Variants in UHRF1 observed in about 807,000 individuals in gnomAD.
UHRF1 encodes E3 ubiquitin-protein ligase UHRF1.
A neutral mutation model predicts 96.5 loss-of-function variants in UHRF1; 9 were observed. That is an observed-to-expected ratio of 0.09 (90% CI 0.06 to 0.16). UHRF1 has a LOEUF of 0.16. Ranked by LOEUF, UHRF1 falls within the 10% of genes least tolerant of loss-of-function variation. The pLI, the probability that UHRF1 is intolerant of heterozygous loss-of-function variation, is 1.00. For synonymous variants in UHRF1, 455 were observed against 469.9 expected, an observed-to-expected ratio of 0.97 and a Z score of 0.41; for missense variants, 626 against 1,131.1, an observed-to-expected ratio of 0.55 and a Z score of 6.40.
upstream of UHRF1, among the ~76,000 whole-genome samples, chr19:4,908,457 C>A (rs1293926567): frequency 6.6e-6 from 1 of 152,114 alleles, no homozygotes; most frequent in Non-Finnish European, 1.5e-5. Flanking sequence ...ACCCCTCTGA[C>A]CTCAACTCCC....
rs1242065781 is a variant in UHRF1, at chr19:4,961,222, C to G, written c.*419C>G. 1.1e-5 allele frequency: 1 copy of G among 92,406 alleles called. No individual in the cohort carries two copies. The highest frequency in any genetic ancestry group is 4.6e-5 in the African/African-American group (1 of 21,624). 5.7% of individuals were successfully genotyped at this position (92,406 alleles called of 1,614,324 possible). ...CGGGTTCTGGCCCCCAAGGTCAGAGCAAGCATCTTCCTGACAGCATTTTGT... is the reference window on the plus strand; with the variant it reads ...CGGGTTCTGGCCCCCAAGGTCAGAGGAAGCATCTTCCTGACAGCATTTTGT... On this transcript the variant is annotated 3_prime_UTR_variant, in exon 17 of 17. Transcript: ENST00000650932.
chr19:4,912,856 C>T (rs1273336710), intron 2 of UHRF1, among the ~76,000 whole-genome samples: 1 of 151,962 alleles, frequency 6.6e-6, no homozygotes, highest in Non-Finnish European at 1.5e-5. Flanking sequence ...GCTTCCTGGG[C>T]TCAAGCAATC....
At chr19:4,941,083 TTG>T (rs375500513) in intron 5 of UHRF1, among the ~76,000 whole-genome samples, 5,439 of 113,968 alleles carry the variant, frequency 0.048, 782 homozygotes, top group African/African-American at 0.18. Context: ...TTTCTGTGTT[TTG>T]TTTTTTTTTT....
chr19:4,935,318 G>A (rs1049602761), intron 5 of UHRF1, among the ~76,000 whole-genome samples: 3 of 152,130 alleles, frequency 2.0e-5, no homozygotes, highest in Non-Finnish European at 2.9e-5. Flanking sequence ...CTTGCCTGCC[G>A]CTGTGTAAGA....
rs73534679 is a variant in UHRF1 at position 4,943,658 on chromosome 19, C to T, written c.1074-474C>T. 2.8e-3 allele frequency among the ~76,000 whole-genome samples: 412 copies of T among 149,456 alleles called. 1 individual carries two copies. Among genetic ancestry groups the T allele is most frequent in the African/African-American group, 9.5e-3 (388 of 40,912 alleles). Reference sequence around the variant, plus strand: ...GGAAGGCCAACAGAGAACCTGCTTTCTTTTTTTTTTGAGATAGAGTCTTGC... The same window carrying T: ...GGAAGGCCAACAGAGAACCTGCTTTTTTTTTTTTTTGAGATAGAGTCTTGC... On this transcript the variant is annotated intron_variant, in intron 7 of 16. Transcript: ENST00000650932.
chr19:4,949,339 A>G (rs1189389954), intron 11 of UHRF1, among the ~76,000 whole-genome samples: 1 of 152,180 alleles, frequency 6.6e-6, no homozygotes, highest in Non-Finnish European at 1.5e-5. Context: ...GCCTGTTTGT[A>G]TGAAGAGCTT....
At chr19:4,907,685 C>T (rs2146268055), upstream of UHRF1, among the ~76,000 whole-genome samples, 1 of 146,828 alleles carries the variant, frequency 6.8e-6, no homozygotes, top group South Asian at 2.2e-4. Context: ...TGCCCATCTT[C>T]CTTGCCTCTT....
intron 2 of UHRF1, among the ~76,000 whole-genome samples, chr19:4,919,001 C>G (rs2032614581): frequency 6.6e-6 from 1 of 150,918 alleles, no homozygotes; most frequent in Non-Finnish European, 1.5e-5. Context: ...GGATTATAGA[C>G]CTGAGCCACT....
In UHRF1 at chr19:4,944,361, C is replaced by T; in HGVS notation, c.1216C>T (p.Arg406Cys). 2 of 1,614,026 alleles carry T rather than the reference C, an allele frequency of 1.2e-6. No individual in the cohort carries two copies. Among genetic ancestry groups the T allele is most frequent in the Non-Finnish European group, 1.7e-6 (2 of 1,179,892 alleles). Residue 406 changes from arginine (R) to cysteine (C), a missense_variant, in exon 9 of 17, where the codon CGC (arginine) becomes TGC (cysteine). Arg to Cys is a radical substitution (Grantham distance 180). Around this residue, in one of 11 missense-constraint regions of UHRF1, gnomAD observed 69 missense variants for 159.8 expected, o/e 0.43. Coordinates refer to ENST00000650932, the MANE Select transcript of UHRF1 (RefSeq NM_001048201.3). ...DWGKGMACVG[R>C]TKECTIVPSN... The stretch of plus-strand genomic sequence containing the variant: ...GGGACAGGGCATGGCCTGTGTGGGC[C>T]GCACCAAGGAATGTACCATCGTCCC...
intron 5 of UHRF1, among the ~76,000 whole-genome samples, chr19:4,941,080 G>GTTTTTTTTTTTTTTT (rs1171655897): frequency 2.7e-5 from 3 of 112,846 alleles, no homozygotes; most frequent in African/African-American, 1.1e-4. Flanking sequence ...TGGTTTCTGT[G>GTTTTTTTTTTTTTTT]TTTTGTTTTT....
At chr19:4,917,070 T>TCG (rs1465584635) in intron 2 of UHRF1, among the ~76,000 whole-genome samples, 4 of 69,570 alleles carry the variant, frequency 5.7e-5, no homozygotes, top group Admixed American at 1.7e-4. Context: ...GGCAGCTCGG[T>TCG]GGGGGGGGGG....
At chr19:4,912,250 G>C (rs1465967660) in intron 2 of UHRF1, among the ~76,000 whole-genome samples, 1 of 152,144 alleles carries the variant, frequency 6.6e-6, no homozygotes, top group East Asian at 1.9e-4. Context: ...CTCGACAGAG[G>C]AGCTCCGCCT....
chr19:4,954,971 C>T lies in UHRF1; in HGVS notation c.2130+149C>T. On this transcript the variant is annotated intron_variant, in intron 15 of 16. Transcript: ENST00000650932. This position sits in a 1 kb window ranked among gnomAD's most constrained non-coding sequence, Gnocchi z 5.9. ...GTTGTGCAACCATCACCACCATCAC[C>T]ACCTCCAGAACTTTATCCTCTCCCC... 3.0e-6 allele frequency: 3 copies of T among 996,884 alleles called. No homozygotes were observed. The highest frequency in any genetic ancestry group is 4.4e-6 in the Non-Finnish European group (3 of 678,838). 61.8% of individuals were successfully genotyped at this position (996,884 alleles called of 1,614,324 possible).
chr19:4,954,838 T>C lies in UHRF1; in HGVS notation c.2130+16T>C. ...CGGCAGCCCGGTAGGCTCGCACGGC[T>C]CACTCGTCGCCCTGATTTGCGTTGA... On this transcript the variant is annotated intron_variant, in intron 15 of 16. Coordinates refer to ENST00000650932, the MANE Select transcript of UHRF1 (RefSeq NM_001048201.3). The surrounding 1 kb of genome is among the most constrained non-coding windows in gnomAD (Gnocchi z 5.9). 6.2e-7 allele frequency: 1 copy of C among 1,611,100 alleles called. No homozygotes were observed. The highest frequency in any genetic ancestry group is 1.1e-5 in the South Asian group (1 of 90,820).
chr19:4,956,964 T>C (rs1364869290), intron 16 of UHRF1, among the ~76,000 whole-genome samples, 151 bp downstream of exon 16: 1 of 152,184 alleles, frequency 6.6e-6, no homozygotes, highest in Non-Finnish European at 1.5e-5. Context: ...GACTGCTTTC[T>C]GGGCAGCCTG....
intron 1 of UHRF1, chr19:4,910,526 A>T (rs2032225216): frequency 4.9e-6 from 1 of 205,954 alleles, no homozygotes; most frequent in Non-Finnish European, 9.7e-6. Context: ...GAATGAATCA[A>T]TGAATGAATG....
Position 4,950,592 on chromosome 19 carries a change from G to T in UHRF1, c.1518-19G>T. On this transcript the variant is annotated intron_variant, in intron 11 of 16. Transcript: ENST00000650932. ...TACATCCTCACCTATAATGCGTGGG[G>T]TCCTGACTCTCCCTGCAGGGCGCTG... 1.2e-6 allele frequency: 2 copies of T among 1,608,968 alleles called. No individual in the cohort carries two copies. The highest frequency in any genetic ancestry group is 1.7e-6 in the Non-Finnish European group (2 of 1,178,656).
intron 2 of UHRF1, among the ~76,000 whole-genome samples, chr19:4,926,860 C>T (rs147942009): frequency 0.015 from 2,301 of 151,948 alleles, 69 homozygotes; most frequent in African/African-American, 0.053. Context: ...GTCAGGAGAT[C>T]GAGACCATTC....
chr19:4,956,488 C>T (rs559148909), intron 15 of UHRF1, among the ~76,000 whole-genome samples: 271 of 152,372 alleles, frequency 1.8e-3, no homozygotes, highest in African/African-American at 6.4e-3. Context: ...TCCGCCTCAT[C>T]CTCCCCACCT....
Sources: gnomAD v4.1 joint callset for allele counts (sites outside exome capture counted in the v4.1 genomes callset) on GRCh38, gnomAD v4.1.1 for gene constraint, gnomAD v4.1.1 regional missense constraint, Gnocchi (gnomAD v3.1) non-coding constraint, MANE v1.5 for transcripts, NCBI Gene and HGNC (gene_info 2026-07-23, HGNC 2026-07-21) for gene names.